The following LFNG variants were observed in gnomAD, a reference collection of about 807,000 sequenced individuals.
LFNG encodes the protein LFNG O-fucosylpeptide 3-beta-N-acetylglucosaminyltransferase, also known as beta-1,3-N-acetylglucosaminyltransferase lunatic fringe.
A neutral mutation model predicts 32.7 loss-of-function variants in LFNG; 15 were observed. The observed-to-expected ratio is 0.46, with a 90% CI of 0.31 to 0.71. The LOEUF (loss-of-function observed/expected upper bound fraction) is 0.71, where lower values mean the gene tolerates loss of function less well. Ranked by LOEUF, LFNG falls within the 30% of genes least tolerant of loss-of-function variation. The probability of loss-of-function intolerance (pLI) is 0.06; values close to 1 mark genes in which losing one functional copy is unlikely to be tolerated. For synonymous variants in LFNG, 274 were observed against 246.8 expected, an observed-to-expected ratio of 1.11 and a Z score of -1.03; for missense variants, 520 against 545.7, an observed-to-expected ratio of 0.95 and a Z score of 0.47.
chr7:2,517,984 A>G (rs1485692080), upstream of LFNG: 4 of 1,013,590 alleles, frequency 3.9e-6, no homozygotes, highest in African/African-American at 5.2e-5. Context: ...GAGGCTGCCC[A>G]AGTGATTCAG....
At position 2,520,068 on chromosome 7, in the gene LFNG, C is replaced by T; in HGVS notation, c.207C>T (p.Arg69=). 1 of 1,219,394 alleles carries T rather than the reference C, an allele frequency of 8.2e-7. No homozygotes were observed. Among genetic ancestry groups the T allele is most frequent in the Non-Finnish European group, 1.0e-6 (1 of 973,256 alleles). 75.5% of individuals were successfully genotyped at this position (1,219,394 alleles called of 1,614,324 possible). Reference sequence around the variant, plus strand: ...CGGCGGCGCCCGGGGCGCTGGTCCGCGACGTGCACAGTCTGTCCGAGTACT... The same window carrying T: ...CGGCGGCGCCCGGGGCGCTGGTCCGTGACGTGCACAGTCTGTCCGAGTACT... ...AAAAAPGALV[R]DVHSLSEYFS... Residue 69 remains arginine (R), a synonymous_variant, in exon 1 of 8, where the codon CGC becomes CGT. Transcript: ENST00000222725. The surrounding 1 kb of genome is among the most constrained non-coding windows in gnomAD (Gnocchi z 5.0).
chr7:2,520,134 GC>G lies in LFNG; in HGVS notation c.276del (p.Ala94LeufsTer51). ...GCGCGCGCAGAGATGCGGGCCCGCC[GC>G]CCGGGGCTGCCCCCCGCCCCGCCGA... Reference protein sequence around the residue: ...TRARRDAGPPPGAAPRPADGH... With the variant: ...TRARRDAGPPXGAAPRPADGH... On this transcript the variant is annotated frameshift_variant, in exon 1 of 8. Coordinates refer to ENST00000222725, the MANE Select transcript of LFNG (RefSeq NM_001040167.2). LOFTEE classifies it high-confidence loss of function. The surrounding 1 kb of genome is among the most constrained non-coding windows in gnomAD (Gnocchi z 5.0). 7.3e-7 allele frequency: 1 copy of G among 1,368,482 alleles called. No homozygotes were observed. 84.8% of individuals were successfully genotyped at this position (1,368,482 alleles called of 1,614,324 possible).
At position 2,526,935 on chromosome 7, in the gene LFNG, G is replaced by A. The variant is rs755459874; in HGVS notation, c.1073+14G>A. On this transcript the variant is annotated intron_variant, in intron 7 of 7. Transcript: ENST00000222725. This position sits in a 1 kb window ranked among gnomAD's most constrained non-coding sequence, Gnocchi z 6.9. ...CGACCCATCCAGGTAAGGAAACCCC[G>A]GCCCAGATGGGCTTGCGTAGGGTGG... is the stretch of plus-strand genomic sequence containing the variant. The A allele has an allele frequency of 3.5e-5, 57 of 1,610,582 alleles. No individual in the cohort carries two copies. Among genetic ancestry groups the A allele is most frequent in the Middle Eastern group, 3.3e-4 (2 of 6,080 alleles).
downstream of LFNG, chr7:2,529,030 G>T (rs1780078441): frequency 4.6e-6 from 2 of 433,142 alleles, no homozygotes; most frequent in African/African-American, 2.1e-5. This position sits in a 1 kb window ranked among gnomAD's most constrained non-coding sequence, Gnocchi z 4.2. Context: ...GTGGCCCCAG[G>T]CCCCGACCCC....
In LFNG at chr7:2,526,276, TC is replaced by T; in HGVS notation, c.856del (p.Arg286GlyfsTer45). 6.2e-7 allele frequency: 1 copy of T among 1,613,034 alleles called. No homozygotes were observed. ...CACTTCATGAATACGGCTGAGCGGA[TC>T]CGGCTGCCTGATGACTGCACCATCG... ...GGHFMNTAER[I>X]RLPDDCTIGY... On this transcript the variant is annotated frameshift_variant, in exon 6 of 8. Transcript: ENST00000222725. LOFTEE classifies it high-confidence loss of function. The surrounding 1 kb of genome is among the most constrained non-coding windows in gnomAD (Gnocchi z 6.9).
Position 2,527,058 on chromosome 7 carries a change from G to A in LFNG, c.1074-88G>A. The A allele has an allele frequency of 5.5e-6, 8 of 1,467,800 alleles. No homozygotes were observed. Among genetic ancestry groups the A allele is most frequent in the South Asian group, 1.2e-5 (1 of 86,472 alleles). The allele number at this position is 1,467,800 out of a possible 1,614,324, so 90.9% of individuals were successfully genotyped here. On this transcript the variant is annotated intron_variant, in intron 7 of 7. Transcript: ENST00000222725. This position sits in a 1 kb window ranked among gnomAD's most constrained non-coding sequence, Gnocchi z 4.4. ...TCCCCCGGAGTCCTGCTTGCTCGGG[G>A]TGGGGCCGCCAGTGTTGTGGGACTG...
chr7:2,515,075 C>CATCT (rs1779592264), upstream of LFNG, among the ~76,000 whole-genome samples: 1 of 104,768 alleles, frequency 9.5e-6, no homozygotes, highest in African/African-American at 4.2e-5. Flanking sequence ...TCTGTCCATC[C>CATCT]GTCCATCCAT....
rs1443056236 is a variant in LFNG at position 2,519,797 on chromosome 7, CG to C, written c.-62del. 5 of 946,960 alleles carry C rather than the reference CG, an allele frequency of 5.3e-6. No individual in the cohort carries two copies. The highest frequency in any genetic ancestry group is 4.8e-5 in the South Asian group (1 of 20,792). The allele number at this position is 946,960 out of a possible 1,614,324, so 58.7% of individuals were successfully genotyped here. The stretch of plus-strand genomic sequence containing the variant: ...CTGCTGGACTGCGCCGCCGGAGCGA[CG>C]GGCTTCGGGTCGGTGCAAGGCAGGC... On this transcript the variant is annotated 5_prime_UTR_variant, in exon 1 of 8. Transcript: ENST00000222725.
At chr7:2,512,779 T>C in intron 1 of LFNG, 6 of 1,316,730 alleles carry the variant, frequency 4.6e-6, no homozygotes, top group South Asian at 1.2e-5. Flanking sequence ...GAGCCCCCTA[T>C]GTCTCCCCCA....
chr7:2,517,304 C>T (rs369578157), upstream of LFNG, among the ~76,000 whole-genome samples: 68 of 152,342 alleles, frequency 4.5e-4, no homozygotes, highest in East Asian at 0.011. Context: ...GCGGCCCCCA[C>T]AAGAATGCTG....
At chr7:2,519,304 C>T (rs911545470), upstream of LFNG, among the ~76,000 whole-genome samples, 2 of 152,154 alleles carry the variant, frequency 1.3e-5, no homozygotes, top group African/African-American at 2.4e-5. Context: ...CAAGGCCTGC[C>T]GCGTCCCAAG....
upstream of LFNG, among the ~76,000 whole-genome samples, chr7:2,518,208 G>A (rs1247092014): frequency 6.6e-6 from 1 of 152,202 alleles, no homozygotes; most frequent in Non-Finnish European, 1.5e-5. Flanking sequence ...CTCTCCAGCT[G>A]CATGGAGGCT....
At chr7:2,514,419 A>C (rs1356717212), upstream of LFNG, among the ~76,000 whole-genome samples, 6 of 152,226 alleles carry the variant, frequency 3.9e-5, no homozygotes, top group Admixed American at 6.5e-5. Flanking sequence ...CAAGCAGCTG[A>C]CATCCAGCAC....
downstream of LFNG, chr7:2,528,807 G>T: frequency 1.6e-6 from 1 of 645,052 alleles, no homozygotes; most frequent in Non-Finnish European, 2.8e-6. Flanking sequence ...CCGGGCCTGG[G>T]GCCTCCTTAT....
At position 2,525,199 on chromosome 7, in the gene LFNG, A is replaced by G. The variant is rs775393521; in HGVS notation, c.482-20A>G. ...TGGGAGCCGGCTCAGACCTACTCAC[A>G]GCCGCTCCCCTGTCCACAGGCAACG... On this transcript the variant is annotated intron_variant, in intron 2 of 7. Coordinates refer to ENST00000222725, the MANE Select transcript of LFNG (RefSeq NM_001040167.2). 1.4e-5 allele frequency: 22 copies of G among 1,609,048 alleles called. No individual in the cohort carries two copies. The highest frequency in any genetic ancestry group is 1.9e-5 in the Non-Finnish European group (22 of 1,177,100).
chr7:2,517,943 A>G (rs993667268), upstream of LFNG: 2 of 1,150,426 alleles, frequency 1.7e-6, no homozygotes, highest in South Asian at 1.8e-5. Flanking sequence ...TAAGTAAAGC[A>G]GGTAGGATAG....
intron 1 of LFNG, 124 bp from the exon 2 acceptor site, chr7:2,524,571 G>T: frequency 1.1e-6 from 1 of 886,604 alleles, no homozygotes; most frequent in East Asian, 2.6e-5. Flanking sequence ...GCCCGGAGAA[G>T]GGTGGGTGTC....
At chr7:2,525,188 G>C in intron 2 of LFNG, 31 bp from the exon 3 acceptor site, 1 of 1,596,498 alleles carries the variant, frequency 6.3e-7, no homozygotes, top group Non-Finnish European at 8.6e-7. Flanking sequence ...AGCCGGCTCA[G>C]ACCTACTCAC....
chr7:2,529,039 C>T, downstream of LFNG: 1 of 432,676 alleles, frequency 2.3e-6, no homozygotes, highest in East Asian at 3.6e-5. This position sits in a 1 kb window ranked among gnomAD's most constrained non-coding sequence, Gnocchi z 4.2. Flanking sequence ...GGCCCCGACC[C>T]CGCTCAGGGG....
Sources: gnomAD v4.1 joint callset for allele counts (sites outside exome capture counted in the v4.1 genomes callset) on GRCh38, gnomAD v4.1.1 for gene constraint, Gnocchi (gnomAD v3.1) non-coding constraint, MANE v1.5 for transcripts, NCBI Gene and HGNC (gene_info 2026-07-23, HGNC 2026-07-21) for gene names.